Variants in ANTXR2 observed in about 807,000 individuals in gnomAD.
ANTXR2 encodes ANTXR cell adhesion molecule 2.
In ANTXR2, 44 loss-of-function variants were observed where a neutral mutation model predicts 73.7. That is an observed-to-expected ratio of 0.60 (90% confidence interval 0.47 to 0.77). The LOEUF is 0.77. Ranked by LOEUF, ANTXR2 falls within the 30% of genes least tolerant of loss-of-function variation. The probability of loss-of-function intolerance (pLI) is 0.00; values close to 1 mark genes in which losing one functional copy is unlikely to be tolerated. For missense variants in ANTXR2, 604 were observed against 592.5 expected (o/e 1.02, Z -0.20); for synonymous variants, 217 against 205.9 (o/e 1.05, Z -0.46).
chr4:80,059,587 G>A (rs900664751), intron 3 of ANTXR2, among the ~76,000 whole-genome samples: 2 of 151,990 alleles, frequency 1.3e-5, no homozygotes, highest in African/African-American at 4.8e-5. Flanking sequence ...TGAACTCCTG[G>A]CCTCAGGCAA....
At position 80,072,666 on chromosome 4, in the gene ANTXR2, G is replaced by C; in HGVS notation, c.-106C>G. The C allele has an allele frequency of 2.2e-6, 3 of 1,338,820 alleles. No individual in the cohort carries two copies. The highest frequency in any genetic ancestry group is 2.9e-6 in the Non-Finnish European group (3 of 1,048,458). 82.9% of individuals were successfully genotyped at this position (1,338,820 alleles called of 1,614,324 possible). On this transcript the variant is annotated 5_prime_UTR_variant, in exon 1 of 17. Transcript: ENST00000403729. ...CGGCACGCACTCTGGGGTGGGGGGC[G>C]GCGAGCAGCTGAGACGCCGGCGCCT...
At chr4:79,948,233 A>T (rs979227644) in intron 16 of ANTXR2, among the ~76,000 whole-genome samples, 1 of 152,130 alleles carries the variant, frequency 6.6e-6, no homozygotes, top group Non-Finnish European at 1.5e-5. Context: ...CCCTCAAATT[A>T]TCTTCTCTGT....
Position 80,071,511 on chromosome 4 carries a change from G to C in ANTXR2, c.224+72C>G, listed in dbSNP as rs930371804. 13 of 1,332,450 alleles carry C rather than the reference G, an allele frequency of 9.8e-6. No individual in the cohort carries two copies. The African/African-American group carries it at 1.7e-4, about 18-fold the overall frequency. 82.5% of individuals were successfully genotyped at this position (1,332,450 alleles called of 1,614,324 possible). Reference sequence around the variant, plus strand: ...TCAGGAAAAGTTTTTCCTATAAAAGGTTTCAGAAAAGGGAAATTCTACACT... The same window carrying C: ...TCAGGAAAAGTTTTTCCTATAAAAGCTTTCAGAAAAGGGAAATTCTACACT... On this transcript the variant is annotated intron_variant, in intron 2 of 16. Transcript: ENST00000403729.
Position 80,001,434 on chromosome 4 carries a change from C to T in ANTXR2, c.1041+7087G>A, listed in dbSNP as rs183137252. ...ATCACAAGAACAAAAAACCAAACAC[C>T]GCAAATATTTTAAAGAATATTTCAT... On this transcript the variant is annotated intron_variant, in intron 12 of 16. Transcript: ENST00000403729. Among the ~76,000 whole-genome samples, 143 of 151,084 alleles carry T rather than the reference C, an allele frequency of 9.5e-4. 1 individual carries two copies. Among genetic ancestry groups the T allele is most frequent in the African/African-American group, 3.1e-3 (126 of 41,174 alleles).
intron 6 of ANTXR2, 128 bp from the exon 7 acceptor site, chr4:80,054,480 G>A (rs1733902483): frequency 1.6e-6 from 1 of 642,512 alleles, no homozygotes; most frequent in Admixed American, 3.3e-5. Flanking sequence ...AGCGTGATCT[G>A]TGTTCAAGGT....
At chr4:79,922,567 A>C (rs1472893395) in intron 16 of ANTXR2, among the ~76,000 whole-genome samples, 2 of 152,162 alleles carry the variant, frequency 1.3e-5, no homozygotes, top group Non-Finnish European at 2.9e-5. Flanking sequence ...AAGTAGAGAC[A>C]TAATTATGAT....
Position 80,055,050 on chromosome 4 carries a change from C to T in ANTXR2, c.555+100G>A, listed in dbSNP as rs1733928128. The T allele has an allele frequency of 2.8e-6, 3 of 1,073,690 alleles. No individual in the cohort carries two copies. In the African/African-American group the frequency reaches 4.9e-5, roughly 17 times the overall value. 66.5% of individuals were successfully genotyped at this position (1,073,690 alleles called of 1,614,324 possible). ...ATTTCTATAAAAAATCTTTAACAATCGACCAGTGTCACAATGTCATCAGTG... is the reference window on the plus strand; with the variant it reads ...ATTTCTATAAAAAATCTTTAACAATTGACCAGTGTCACAATGTCATCAGTG... On this transcript the variant is annotated intron_variant, in intron 6 of 16. Transcript: ENST00000403729.
At chr4:79,937,268 C>A (rs1728302867) in intron 16 of ANTXR2, among the ~76,000 whole-genome samples, 1 of 151,958 alleles carries the variant, frequency 6.6e-6, no homozygotes, top group Admixed American at 6.6e-5. Context: ...CAACTAAGTT[C>A]CTTGAAAATT....
At position 79,901,254 on chromosome 4, in the gene ANTXR2, C is replaced by T. The variant is rs558618750; in HGVS notation, c.*6175G>A. Reference sequence around the variant, plus strand: ...AAATTCTATTTACAGGTGTCATCTGCTAGAACTAGTCAATCTTGTTTTATA... The same window carrying T: ...AAATTCTATTTACAGGTGTCATCTGTTAGAACTAGTCAATCTTGTTTTATA... On this transcript the variant is annotated 3_prime_UTR_variant, in exon 17 of 17. Transcript: ENST00000403729. The T allele has an allele frequency of 1.3e-5, 2 of 152,272 alleles. No individual in the cohort carries two copies. Among genetic ancestry groups the T allele is most frequent in the East Asian group, 1.9e-4 (1 of 5,172 alleles). The allele number at this position is 152,272 out of a possible 1,614,324, so 9.4% of individuals were successfully genotyped here.
intron 12 of ANTXR2, among the ~76,000 whole-genome samples, chr4:80,006,088 G>T (rs769599248): frequency 6.6e-6 from 1 of 152,026 alleles, no homozygotes; most frequent in Non-Finnish European, 1.5e-5. Flanking sequence ...ACTGAATTGG[G>T]AGTCATCAGG....
intron 12 of ANTXR2, among the ~76,000 whole-genome samples, chr4:80,004,343 A>G (rs1731201581): frequency 6.6e-6 from 1 of 152,134 alleles, no homozygotes; most frequent in East Asian, 1.9e-4. Context: ...AGGAGATAAT[A>G]TAGGTTTCTT....
intron 16 of ANTXR2, among the ~76,000 whole-genome samples, chr4:79,937,618 T>A (rs1174692984): frequency 3.3e-5 from 5 of 152,126 alleles, no homozygotes; most frequent in African/African-American, 1.2e-4. Context: ...TCATAAAATG[T>A]TATGTGTCAC....
intron 16 of ANTXR2, among the ~76,000 whole-genome samples, chr4:79,965,947 T>C (rs1389369130): frequency 2.0e-5 from 3 of 152,164 alleles, no homozygotes; most frequent in South Asian, 2.1e-4. Flanking sequence ...CATGAATTGG[T>C]CTCAGTTCAA....
chr4:80,072,342 A>G, intron 1 of ANTXR2, 67 bp downstream of exon 1: 1 of 1,465,520 alleles, frequency 6.8e-7, no homozygotes, highest in Non-Finnish European at 9.1e-7. Flanking sequence ...CACGCATCTC[A>G]GCCTCAGCCC....
chr4:79,948,485 T>C (rs1728591805), intron 16 of ANTXR2, among the ~76,000 whole-genome samples: 1 of 152,176 alleles, frequency 6.6e-6, no homozygotes, highest in Admixed American at 6.5e-5. Context: ...AAGCACATTT[T>C]AGATTAACTC....
chr4:80,061,312 T>C (rs1272506908), intron 3 of ANTXR2, among the ~76,000 whole-genome samples: 4 of 120,138 alleles, frequency 3.3e-5, no homozygotes, highest in African/African-American at 5.7e-5. Context: ...GTGTGTGTAT[T>C]CTATGCTTCA....
chr4:79,991,960 G>T (rs1317922093), intron 12 of ANTXR2, among the ~76,000 whole-genome samples: 1 of 151,914 alleles, frequency 6.6e-6, no homozygotes, highest in African/African-American at 2.4e-5. Context: ...CCTACATGAA[G>T]TGAGAACCCG....
chr4:79,923,617 T>C (rs984264151), intron 16 of ANTXR2, among the ~76,000 whole-genome samples: 6 of 152,106 alleles, frequency 3.9e-5, no homozygotes, highest in Non-Finnish European at 7.4e-5. Flanking sequence ...ATATGTATTC[T>C]AAGGCCATTG....
intron 11 of ANTXR2, among the ~76,000 whole-genome samples, chr4:80,009,967 A>C (rs913176381): frequency 2.0e-4 from 31 of 151,912 alleles, no homozygotes; most frequent in African/African-American, 7.2e-4. Flanking sequence ...TTTACTGTAC[A>C]AACAGTTTCC....
Sources: gnomAD v4.1 joint callset for allele counts (sites outside exome capture counted in the v4.1 genomes callset) on GRCh38, gnomAD v4.1.1 for gene constraint, MANE v1.5 for transcripts, NCBI Gene and HGNC (gene_info 2026-07-23, HGNC 2026-07-21) for gene names.